The following KDM3B variants were observed in gnomAD, a reference collection of about 807,000 sequenced individuals.
KDM3B encodes the protein lysine-specific demethylase 3B.
In KDM3B, 10 loss-of-function variants were observed where a neutral mutation model predicts 170.0. The ratio of observed to expected loss-of-function variants is 0.06; its 90% CI spans 0.04 to 0.10. KDM3B has a LOEUF of 0.10. Ranked by LOEUF, KDM3B falls within the 10% of genes least tolerant of loss-of-function variation. The pLI is 1.00. For synonymous variants in KDM3B, 831 were observed against 834.8 expected (o/e 1.00, Z 0.08); for missense variants, 1,394 against 2,195.2 (o/e 0.64, Z 7.29).
chr5:138,382,443 C>T (rs1309334421), intron 6 of KDM3B, among the ~76,000 whole-genome samples: 1 of 151,980 alleles, frequency 6.6e-6, no homozygotes, highest in Admixed American at 6.6e-5. Context: ...TAGAGCAAGA[C>T]TCCGTCTCAA....
intron 1 of KDM3B, among the ~76,000 whole-genome samples, chr5:138,362,412 A>G (rs927307631): frequency 1.3e-5 from 2 of 152,080 alleles, no homozygotes; most frequent in Non-Finnish European, 2.9e-5. Context: ...TCACATGCAG[A>G]AAGACAGCCT....
At chr5:138,395,807 A>G (rs1001446884) in intron 9 of KDM3B, among the ~76,000 whole-genome samples, 1 of 151,922 alleles carries the variant, frequency 6.6e-6, no homozygotes, top group Non-Finnish European at 1.5e-5. Flanking sequence ...TGGTAGAGAC[A>G]GGGTTTCACC....
intron 1 of KDM3B, among the ~76,000 whole-genome samples, chr5:138,353,924 TTC>T (rs1761391639): frequency 2.0e-5 from 3 of 152,184 alleles, no homozygotes; most frequent in Admixed American, 2.0e-4. Context: ...GGGCCCTAGC[TTC>T]TCTGGTGAGA....
intron 20 of KDM3B, among the ~76,000 whole-genome samples, chr5:138,429,435 C>A (rs1038628232): frequency 6.6e-6 from 1 of 152,210 alleles, no homozygotes; most frequent in African/African-American, 2.4e-5. Context: ...AGCCAACCCT[C>A]TTCACTTGGT....
At chr5:138,414,890 G>A (rs1054289362) in intron 11 of KDM3B, among the ~76,000 whole-genome samples, 10 of 152,200 alleles carry the variant, frequency 6.6e-5, no homozygotes, top group South Asian at 4.1e-4. Context: ...CAGAGAGGCG[G>A]AGGTTGCGGT....
At chr5:138,389,637 GA>G (rs1262782472) in intron 7 of KDM3B, among the ~76,000 whole-genome samples, 1 of 152,116 alleles carries the variant, frequency 6.6e-6, no homozygotes, top group East Asian at 1.9e-4. Context: ...GTTTTAGAGT[GA>G]ATATTAAGGT....
intron 5 of KDM3B, among the ~76,000 whole-genome samples, chr5:138,380,829 C>CTGGGGTTACAGGCATGGT (rs1762107891): frequency 6.6e-6 from 1 of 150,720 alleles, no homozygotes; most frequent in Non-Finnish European, 1.5e-5. Context: ...TCCCAAAGTG[C>CTGGGGTTACAGGCATGGT]TGGGGTTACA....
intron 10 of KDM3B, among the ~76,000 whole-genome samples, chr5:138,399,543 AAT>A (rs1554129285): frequency 6.6e-6 from 1 of 151,566 alleles, no homozygotes; most frequent in African/African-American, 2.4e-5. Context: ...ATCTCAAAAA[AAT>A]ATATATATAT....
chr5:138,432,495 C>G (rs1763559709), intron 23 of KDM3B, among the ~76,000 whole-genome samples: 1 of 151,954 alleles, frequency 6.6e-6, no homozygotes, highest in South Asian at 2.1e-4. Flanking sequence ...TGTTGATACC[C>G]CATCTTTACT....
intron 1 of KDM3B, among the ~76,000 whole-genome samples, chr5:138,363,736 C>T (rs944977234): frequency 1.1e-4 from 17 of 151,698 alleles, no homozygotes; most frequent in Non-Finnish European, 1.8e-4. Context: ...TTAGTAGAGA[C>T]GGGGTTTCAC....
chr5:138,423,942 A>C, intron 15 of KDM3B, 133 bp from the exon 16 acceptor site: 1 of 795,262 alleles, frequency 1.3e-6, no homozygotes, highest in Non-Finnish European at 1.8e-6. Context: ...GTTGTAAAAG[A>C]CATTTTAATA....
chr5:138,368,383 C>T (rs1761796031), intron 1 of KDM3B, among the ~76,000 whole-genome samples: 1 of 151,790 alleles, frequency 6.6e-6, no homozygotes, highest in Admixed American at 6.6e-5. Context: ...CAGATGTACC[C>T]CACCATGCCT....
intron 11 of KDM3B, among the ~76,000 whole-genome samples, chr5:138,409,343 A>T (rs1333415186): frequency 6.6e-6 from 1 of 152,246 alleles, no homozygotes; most frequent in East Asian, 1.9e-4. Flanking sequence ...TTTTTTCAAT[A>T]TTACATGATA....
chr5:138,428,197 T>C, intron 20 of KDM3B, 111 bp downstream of exon 20: 1 of 1,119,630 alleles, frequency 8.9e-7, no homozygotes, highest in Non-Finnish European at 1.3e-6. Flanking sequence ...TTTCTTTTTC[T>C]TTTTTCTGTT....
chr5:138,370,141 C>T (rs1301653067), intron 1 of KDM3B, among the ~76,000 whole-genome samples: 1 of 152,132 alleles, frequency 6.6e-6, no homozygotes, highest in East Asian at 1.9e-4. Context: ...ATGAATGAGC[C>T]TATTTATATA....
In KDM3B at chr5:138,420,957, T is replaced by G; in HGVS notation, c.3967T>G (p.Ser1323Ala). The change falls in exon 15 of 24, where the codon TCA becomes GCA. Residue 1323 changes from serine to alanine, a missense_variant. By Grantham distance (99) the Ser-to-Ala change is moderately conservative (BLOSUM62 1). Coordinates refer to ENST00000314358, the MANE Select transcript of KDM3B (RefSeq NM_016604.4). ...CTTTCCCCCGGTCTTCTCTACATCC[T>G]CAGCAGTAAGTGTCCTCTGCAACTG... ...IPFPPVFSTSSAGVKSKASLP... is the reference protein window; with the variant it reads ...IPFPPVFSTSAAGVKSKASLP... 1 of 1,613,946 alleles carries G rather than the reference T, an allele frequency of 6.2e-7. No individual in the cohort carries two copies. Among genetic ancestry groups the G allele is most frequent in the East Asian group, 2.2e-5 (1 of 44,884 alleles).
At position 138,419,969 on chromosome 5, in the gene KDM3B, TCC is replaced by T. The variant is rs879824438; in HGVS notation, c.3716-736_3716-735del. ...GGCGCGATCTTGGCTCACTGCAACC[TCC>T]GTCTCCCAGGTTCAAGTGATTCTCC... On this transcript the variant is annotated intron_variant, in intron 14 of 23. Transcript: ENST00000314358. Among the ~76,000 whole-genome samples, 794 of 152,212 alleles carry T rather than the reference TCC, an allele frequency of 5.2e-3. 8 individuals are homozygous for T. Among genetic ancestry groups the T allele is most frequent in the Non-Finnish European group, 6.4e-3 (436 of 68,014 alleles).
intron 11 of KDM3B, among the ~76,000 whole-genome samples, chr5:138,405,833 GA>G (rs1182767867): frequency 2.0e-4 from 30 of 152,272 alleles, no homozygotes; most frequent in African/African-American, 5.1e-4. Flanking sequence ...GGAAAAGAGG[GA>G]AAACTGGAAG....
intron 6 of KDM3B, among the ~76,000 whole-genome samples, chr5:138,384,179 GAGCTTGC>G (rs1762196541): frequency 6.6e-6 from 1 of 151,354 alleles, no homozygotes; most frequent in Non-Finnish European, 1.5e-5. Flanking sequence ...CTGGGAGGTG[GAGCTTGC>G]AGTGAGCCGA....
Sources: gnomAD v4.1 joint callset for allele counts (sites outside exome capture counted in the v4.1 genomes callset) on GRCh38, gnomAD v4.1.1 for gene constraint, MANE v1.5 for transcripts, NCBI Gene and HGNC (gene_info 2026-07-23, HGNC 2026-07-21) for gene names.